The following KAT6A variants were observed in gnomAD, a reference collection of about 807,000 sequenced individuals.
KAT6A encodes the protein lysine acetyltransferase 6A, also known as histone acetyltransferase KAT6A.
KAT6A carries 9 observed loss-of-function variants against 198.4 expected under a neutral mutation model. The observed-to-expected ratio is 0.05, with a 90% CI of 0.03 to 0.08. The LOEUF (loss-of-function observed/expected upper bound fraction) is 0.08. Ranked by LOEUF, KAT6A falls within the 10% of genes least tolerant of loss-of-function variation. The pLI is 1.00. For missense variants in KAT6A, 2,077 were observed against 2,509.9 expected (o/e 0.83, Z 3.69); for synonymous variants, 890 against 883.0 (o/e 1.01, Z -0.14).
intron 2 of KAT6A, among the ~76,000 whole-genome samples, chr8:42,030,069 G>T (rs894711761): frequency 6.6e-6 from 1 of 152,150 alleles, no homozygotes; most frequent in African/African-American, 2.4e-5. Flanking sequence ...CTACGGATAT[G>T]GAGATTCAAG....
At chr8:41,947,969 A>T (rs1043637164) in intron 10 of KAT6A, 57 bp from the exon 11 acceptor site, 1 of 1,360,608 alleles carries the variant, frequency 7.3e-7, no homozygotes, top group African/African-American at 1.5e-5. Flanking sequence ...TTCTAGAATA[A>T]TATGTATCAG....
At chr8:42,030,227 A>C (rs1827035945) in intron 2 of KAT6A, among the ~76,000 whole-genome samples, 1 of 152,140 alleles carries the variant, frequency 6.6e-6, no homozygotes, top group Non-Finnish European at 1.5e-5. Flanking sequence ...GAAGGCCAAG[A>C]AGCTCTCCTG....
Position 41,934,162 on chromosome 8 carries a change from T to C in KAT6A, c.4058A>G (p.Asp1353Gly), listed in dbSNP as rs764284203. The change falls in exon 17 of 17, where the codon GAT (aspartate) becomes GGT (glycine). Residue 1353 changes from aspartate (D) to glycine (G), a missense_variant. Asp to Gly is a moderately conservative substitution (Grantham distance 94). Around this residue, in one of 13 missense-constraint regions of KAT6A, gnomAD observed 375 missense variants for 383.0 expected, o/e 0.98. Coordinates refer to ENST00000265713, the MANE Select transcript of KAT6A (RefSeq NM_006766.5). ...TTCCCTACTCTTCTGCATATTAGCA[T>C]CTAAAAAAGACTCTTGAACACCAGG... Reference protein sequence around the residue: ...EEPGVQESFLDANMQKSREKI... With the variant: ...EEPGVQESFLGANMQKSREKI... The C allele has an allele frequency of 6.2e-6, 10 of 1,614,058 alleles. No individual in the cohort carries two copies. The highest frequency in any genetic ancestry group is 4.4e-5 in the South Asian group (4 of 91,086).
chr8:41,999,457 A>G (rs1825378383), intron 2 of KAT6A, among the ~76,000 whole-genome samples: 1 of 152,076 alleles, frequency 6.6e-6, no homozygotes, highest in South Asian at 2.1e-4. Context: ...CACCATATGC[A>G]ATCTCCTCCA....
chr8:41,991,177 A>G (rs1824926914), intron 2 of KAT6A, among the ~76,000 whole-genome samples: 1 of 152,214 alleles, frequency 6.6e-6, no homozygotes, highest in Admixed American at 6.5e-5. Context: ...ACATATTAAT[A>G]AAACATACAC....
chr8:41,988,876 A>G (rs1302431430), intron 2 of KAT6A, among the ~76,000 whole-genome samples: 2 of 152,210 alleles, frequency 1.3e-5, no homozygotes, highest in Non-Finnish European at 2.9e-5. Context: ...GGCACTGTGC[A>G]GGATGGCAAT....
chr8:42,046,823 T>A (rs183299421), intron 2 of KAT6A, among the ~76,000 whole-genome samples: 1 of 152,324 alleles, frequency 6.6e-6, no homozygotes, highest in East Asian at 1.9e-4. Context: ...TCAAATTACA[T>A]AGAGCCATTT....
chr8:41,961,994 T>C (rs1433673996), intron 8 of KAT6A, among the ~76,000 whole-genome samples: 2 of 152,158 alleles, frequency 1.3e-5, no homozygotes, highest in Non-Finnish European at 2.9e-5. Context: ...ACAGTCAATT[T>C]TCAGTTCTCT....
At chr8:42,029,569 GTTTT>G (rs201045645) in intron 2 of KAT6A, among the ~76,000 whole-genome samples, 7 of 132,324 alleles carry the variant, frequency 5.3e-5, no homozygotes, top group African/African-American at 1.9e-4. Context: ...GTTTTTTTTT[GTTTT>G]TTTTTTTTTG....
intron 2 of KAT6A, among the ~76,000 whole-genome samples, chr8:42,032,053 C>A (rs1214402272): frequency 1.3e-5 from 2 of 152,154 alleles, no homozygotes; most frequent in Admixed American, 6.6e-5. Context: ...CCTCAGCCTC[C>A]CGAGTAGCTG....
intron 5 of KAT6A, among the ~76,000 whole-genome samples, chr8:41,979,993 A>G (rs967037687): frequency 1.3e-5 from 2 of 152,198 alleles, no homozygotes; most frequent in African/African-American, 4.8e-5. Flanking sequence ...AGGGGGTGGA[A>G]TAAGTGAATT....
At chr8:41,962,536 C>T (rs1220539513) in intron 8 of KAT6A, among the ~76,000 whole-genome samples, 1 of 151,952 alleles carries the variant, frequency 6.6e-6, no homozygotes, top group Non-Finnish European at 1.5e-5. Flanking sequence ...CACCATGATC[C>T]AAACACCATG....
chr8:42,008,843 C>A (rs139731056), intron 2 of KAT6A, among the ~76,000 whole-genome samples: 1 of 152,166 alleles, frequency 6.6e-6, no homozygotes, highest in African/African-American at 2.4e-5. Context: ...GCTACATGCA[C>A]CTAATGGCAA....
At chr8:42,021,503 A>G (rs1450282621) in intron 2 of KAT6A, among the ~76,000 whole-genome samples, 5 of 152,214 alleles carry the variant, frequency 3.3e-5, no homozygotes. Context: ...TTTACAGAAA[A>G]GGAAACTGAA....
At position 41,949,341 on chromosome 8, in the gene KAT6A, C is replaced by A; in HGVS notation, c.1621G>T (p.Glu541Ter). The change falls in exon 10 of 17, where the codon GAA (glutamate) becomes TAA (stop). Residue 541 changes from glutamate to a stop codon, truncating the protein, a stop_gained. Transcript: ENST00000265713. LOFTEE classifies it high-confidence loss of function. ...YSRLPKLYLC[E>*]FCLKYMKSRT... Reference sequence around the variant, plus strand: ...CTTTTCATATATTTTAGACAAAATTCACAAAGATACAATTTGGGCAGCCTG... The same window carrying A: ...CTTTTCATATATTTTAGACAAAATTAACAAAGATACAATTTGGGCAGCCTG... 1 of 1,547,336 alleles carries A rather than the reference C, an allele frequency of 6.5e-7. No individual in the cohort carries two copies. Among genetic ancestry groups the A allele is most frequent in the Non-Finnish European group, 8.7e-7 (1 of 1,152,064 alleles).
chr8:42,038,634 T>C (rs1477934849), intron 2 of KAT6A, among the ~76,000 whole-genome samples: 3 of 152,254 alleles, frequency 2.0e-5, no homozygotes. Context: ...TCAACCTCTT[T>C]GGCTCTCAAA....
chr8:42,023,643 A>T (rs1826657314), intron 2 of KAT6A, among the ~76,000 whole-genome samples: 1 of 151,658 alleles, frequency 6.6e-6, no homozygotes, highest in Admixed American at 6.6e-5. Context: ...GCGCGCCACC[A>T]TGTCCAGCTA....
rs1231710269 is a variant in KAT6A at position 41,978,670 on chromosome 8, T to G, written c.1015A>C (p.Lys339Gln). ...GTGTTTTGTTTCTTTAACCTGTTTT[T>G]TGGACGTCCTATTGGATTAGTATAG... ...RRYTNPIGRP[K>Q]NRLKKQNTVS... The change falls in exon 6 of 17, where the codon AAA (lysine) becomes CAA (glutamine). Residue 339 changes from lysine to glutamine, a missense_variant. Transcript: ENST00000265713. The G allele has an allele frequency of 1.2e-6, 2 of 1,614,100 alleles. No homozygotes were observed. Among genetic ancestry groups the G allele is most frequent in the South Asian group, 2.2e-5 (2 of 91,082 alleles).
chr8:41,958,466 CG>C (rs1337631905), intron 8 of KAT6A: 7 of 152,154 alleles, frequency 4.6e-5, no homozygotes, highest in African/African-American at 1.7e-4. Context: ...TGAGATGTGA[CG>C]GAAGTAACGA....
Sources: gnomAD v4.1 joint callset for allele counts (sites outside exome capture counted in the v4.1 genomes callset) on GRCh38, gnomAD v4.1.1 for gene constraint, gnomAD v4.1.1 regional missense constraint, MANE v1.5 for transcripts, NCBI Gene and HGNC (gene_info 2026-07-23, HGNC 2026-07-21) for gene names.